The following MYO1F variants were observed in gnomAD, a reference collection of about 807,000 sequenced individuals.
MYO1F encodes the protein myosin IF.
MYO1F carries 60 observed loss-of-function variants against 146.6 expected under a neutral mutation model. The observed-to-expected ratio is 0.41, with a 90% CI of 0.33 to 0.51. The LOEUF is 0.51. Ranked by LOEUF, MYO1F falls within the 20% of genes least tolerant of loss-of-function variation. MYO1F has a pLI of 0.25. For missense variants in MYO1F, 1,274 were observed against 1,534.3 expected (o/e 0.83, Z 2.83); for synonymous variants, 602 against 602.1 (o/e 1.00, Z 0.00).
At chr19:8,574,835 G>A (rs148947452) in intron 1 of MYO1F, among the ~76,000 whole-genome samples, 4,463 of 144,384 alleles carry the variant, frequency 0.031, 239 homozygotes, top group African/African-American at 0.11. Context: ...GTCTCATTGC[G>A]ACCTCTGCCT....
At position 8,554,645 on chromosome 19, in the gene MYO1F, C is replaced by T. The variant is rs1274545410; in HGVS notation, c.231+9G>A. On this transcript the variant is annotated intron_variant, in intron 3 of 27. Transcript: ENST00000644032. ...GGGGGCTGTGCCTCCCACCCAGCCC[C>T]AGCCTCACCGCGCCCTGATAGAGGT... The T allele has an allele frequency of 1.2e-6, 2 of 1,613,952 alleles. No homozygotes were observed. Among genetic ancestry groups the T allele is most frequent in the African/African-American group, 2.7e-5 (2 of 75,034 alleles).
At chr19:8,528,774 T>C (rs1480094835) in intron 21 of MYO1F, among the ~76,000 whole-genome samples, 1 of 152,088 alleles carries the variant, frequency 6.6e-6, no homozygotes, top group East Asian at 1.9e-4. Context: ...AAAGGTATTA[T>C]GGTTCAGGTG....
chr19:8,557,675 C>G, intron 1 of MYO1F, among the ~76,000 whole-genome samples: 1 of 152,130 alleles, frequency 6.6e-6, no homozygotes. Flanking sequence ...ATGAAGGATG[C>G]CAGGCTTGGC....
At chr19:8,531,219 T>C (rs985297286) in intron 19 of MYO1F, among the ~76,000 whole-genome samples, 1 of 151,638 alleles carries the variant, frequency 6.6e-6, no homozygotes, top group Non-Finnish European at 1.5e-5. Flanking sequence ...TGGTGGCACA[T>C]GCCTGTAATA....
In MYO1F at chr19:8,561,784, T is replaced by C. The variant is rs577461683; in HGVS notation, c.4-5988A>G. 2.7e-3 allele frequency among the ~76,000 whole-genome samples: 414 copies of C among 151,558 alleles called. 4 individuals carry two copies. The highest frequency in any genetic ancestry group is 9.6e-3 in the African/African-American group (396 of 41,262). ...CAGGCTGGAGTGTAGTGGCGCGATCTTGGCTCACTGCAAAATCTACCTCCC... is the reference window on the plus strand; with the variant it reads ...CAGGCTGGAGTGTAGTGGCGCGATCCTGGCTCACTGCAAAATCTACCTCCC... On this transcript the variant is annotated intron_variant, in intron 1 of 27. Coordinates refer to ENST00000644032, the MANE Select transcript of MYO1F (RefSeq NM_012335.4).
intron 1 of MYO1F, chr19:8,576,708 C>A: frequency 6.2e-6 from 1 of 161,466 alleles, no homozygotes; most frequent in Non-Finnish European, 1.4e-5. Context: ...CCTCTCCTGC[C>A]TCTGCTGCAG....
Position 8,521,350 on chromosome 19 carries a change from G to A in MYO1F, c.*178C>T, listed in dbSNP as rs913512662. Reference sequence around the variant, plus strand: ...TGGAGGAAGACCAGGGCCCAGGGGCGGGGGCTGCAGCAGTGACCTGGTGAC... The same window carrying A: ...TGGAGGAAGACCAGGGCCCAGGGGCAGGGGCTGCAGCAGTGACCTGGTGAC... On this transcript the variant is annotated 3_prime_UTR_variant, in exon 28 of 28. Coordinates refer to ENST00000644032, the MANE Select transcript of MYO1F (RefSeq NM_012335.4). 4.0e-5 allele frequency: 27 copies of A among 672,890 alleles called. No individual in the cohort carries two copies. The highest frequency in any genetic ancestry group is 1.5e-4 in the Admixed American group (7 of 46,156). The allele number at this position is 672,890 out of a possible 1,614,324, so 41.7% of individuals were successfully genotyped here. A position where few individuals can be genotyped will look rare whatever the true frequency, so the allele number is the denominator to read the frequency against.
chr19:8,528,063 A>G (rs754629450), intron 21 of MYO1F, among the ~76,000 whole-genome samples: 2 of 152,092 alleles, frequency 1.3e-5, no homozygotes, highest in Non-Finnish European at 2.9e-5. Flanking sequence ...CTCTACTAAA[A>G]ATACAAAAAT....
At position 8,521,519 on chromosome 19, in the gene MYO1F, G is replaced by T. The variant is rs374597578; in HGVS notation, c.*9C>A. ...GGGCGAAAGAGAAGGCAGTATCCCA[G>T]GGCCCAGCTCAGATCTTCTCCACGT... On this transcript the variant is annotated 3_prime_UTR_variant, in exon 28 of 28. Transcript: ENST00000644032. 11 of 1,613,444 alleles carry T rather than the reference G, an allele frequency of 6.8e-6. No homozygotes were observed. Among genetic ancestry groups the T allele is most frequent in the African/African-American group, 4.0e-5 (3 of 74,932 alleles).
At chr19:8,544,885 C>T (rs1973275201) in intron 13 of MYO1F, among the ~76,000 whole-genome samples, 1 of 152,160 alleles carries the variant, frequency 6.6e-6, no homozygotes, top group African/African-American at 2.4e-5. Flanking sequence ...GAGTGATTCT[C>T]CTGCTTCAGC....
chr19:8,574,577 T>TTCTTTCTTTCTTTC (rs1335184271), intron 1 of MYO1F, among the ~76,000 whole-genome samples: 118 of 79,696 alleles, frequency 1.5e-3, no homozygotes, highest in Middle Eastern at 0.012. Context: ...CTTTCTTTCT[T>TTCTTTCTTTCTTTC]TCTCTCTCTC....
In MYO1F at chr19:8,522,437, C is replaced by T; in HGVS notation, c.3160G>A (p.Gly1054Ser). The part of the protein sequence containing the change: ...PRCRALYQYV[G>S]QDVDELSFNV... ...AAGCTCAGCTCGTCCACATCTTGGC[C>T]CACGTACTGGTATAGGGCCCGGCAC... Residue 1054 changes from glycine (G) to serine (S), a missense_variant, in exon 27 of 28, where the codon GGC becomes AGC. By Grantham distance (56) the Gly-to-Ser change is moderately conservative. Transcript: ENST00000644032. 1.9e-6 allele frequency: 3 copies of T among 1,614,182 alleles called. No individual in the cohort carries two copies. Among genetic ancestry groups the T allele is most frequent in the African/African-American group, 2.7e-5 (2 of 75,066 alleles).
At chr19:8,551,052 TG>T (rs1973584280) in intron 8 of MYO1F, among the ~76,000 whole-genome samples, 1 of 143,062 alleles carries the variant, frequency 7.0e-6, no homozygotes, top group African/African-American at 2.9e-5. Context: ...GACTGGGCTT[TG>T]GTTTCCTATT....
intron 4 of MYO1F, among the ~76,000 whole-genome samples, chr19:8,554,201 C>T (rs1973747299): frequency 1.3e-5 from 2 of 152,160 alleles, no homozygotes; most frequent in South Asian, 4.1e-4. Context: ...AAGAGATCCT[C>T]TCGCCTTGGC....
At chr19:8,559,165 C>G (rs1973973259) in intron 1 of MYO1F, among the ~76,000 whole-genome samples, 2 of 151,878 alleles carry the variant, frequency 1.3e-5, no homozygotes, top group South Asian at 2.1e-4. Flanking sequence ...CAGGCATGAG[C>G]CACCGCTCCC....
chr19:8,555,550 G>T, intron 2 of MYO1F, 109 bp downstream of exon 2: 5 of 1,484,926 alleles, frequency 3.4e-6, no homozygotes, highest in Non-Finnish European at 1.9e-6. Context: ...TCACCACTTG[G>T]TGCTCTCCCG....
At chr19:8,550,079 C>T (rs549912115) in intron 10 of MYO1F, 81 bp downstream of exon 10, 92 of 1,494,594 alleles carry the variant, frequency 6.2e-5, no homozygotes, top group South Asian at 2.1e-4. Flanking sequence ...GGATTGCAGC[C>T]GTGAGCCACT....
intron 19 of MYO1F, among the ~76,000 whole-genome samples, chr19:8,533,830 G>A (rs933251127): frequency 1.3e-5 from 2 of 152,136 alleles, no homozygotes; most frequent in Non-Finnish European, 2.9e-5. Flanking sequence ...GGGATGCTGG[G>A]CCACAAAGGC....
intron 25 of MYO1F, among the ~76,000 whole-genome samples, chr19:8,524,681 A>T (rs1043267867): frequency 6.6e-6 from 1 of 151,962 alleles, no homozygotes; most frequent in African/African-American, 2.4e-5. Context: ...GCCTTGGCCT[A>T]CCAAGAGTGC....
Sources: gnomAD v4.1 joint callset for allele counts (sites outside exome capture counted in the v4.1 genomes callset) on GRCh38, gnomAD v4.1.1 for gene constraint, MANE v1.5 for transcripts, NCBI Gene and HGNC (gene_info 2026-07-23, HGNC 2026-07-21) for gene names.